DLGAP2: variants seen among roughly 807,000 people sequenced by gnomAD.
DLGAP2 encodes DLG associated protein 2.
DLGAP2 carries 26 observed loss-of-function variants against 100.3 expected under a neutral mutation model. The observed-to-expected ratio is 0.26, with a 90% CI of 0.19 to 0.36. DLGAP2 has a LOEUF of 0.36. Among genes scored for constraint, DLGAP2 ranks in the 10% least tolerant of loss-of-function variants. DLGAP2 has a pLI of 1.00. For synonymous variants in DLGAP2, 886 were observed against 630.1 expected (o/e 1.41, Z -6.08); for missense variants, 1,858 against 1,453.2 (o/e 1.28, Z -4.53).
intron 3 of DLGAP2, among the ~76,000 whole-genome samples, chr8:1,413,520 C>A (rs111481431): frequency 6.6e-6 from 1 of 152,074 alleles, no homozygotes; most frequent in African/African-American, 2.4e-5. Flanking sequence ...CTAAATCTGG[C>A]AAGTATAGAG....
At chr8:1,081,954 T>A (rs770668883) in intron 2 of DLGAP2, among the ~76,000 whole-genome samples, 5 of 152,034 alleles carry the variant, frequency 3.3e-5, no homozygotes, top group Non-Finnish European at 7.4e-5. Context: ...CCCCCTAAGT[T>A]CTAGATTAAA....
At chr8:1,031,740 A>G (rs1255567061) in intron 2 of DLGAP2, among the ~76,000 whole-genome samples, 1 of 152,394 alleles carries the variant, frequency 6.6e-6, no homozygotes, top group African/African-American at 2.4e-5. Flanking sequence ...CTGATGCCGA[A>G]GTATGGAAAT....
rs538415418 is a variant in DLGAP2, at chr8:829,826, A to G, written c.19-78086A>G. ...CCTATTATAATAACTGCAGTATATTATGGTGCTTTCCTTGTCAATCAAATA... is the reference window on the plus strand; with the variant it reads ...CCTATTATAATAACTGCAGTATATTGTGGTGCTTTCCTTGTCAATCAAATA... On this transcript the variant is annotated intron_variant, in intron 1 of 14. Coordinates refer to ENST00000637795, the MANE Select transcript of DLGAP2 (RefSeq NM_001346810.2). 5.3e-5 allele frequency among the ~76,000 whole-genome samples: 8 copies of G among 152,346 alleles called. No individual in the cohort carries two copies. In the South Asian group the frequency reaches 1.5e-3, roughly 28 times the overall value.
At chr8:1,165,192 AG>A (rs889630941) in intron 2 of DLGAP2, among the ~76,000 whole-genome samples, 1 of 93,906 alleles carries the variant, frequency 1.1e-5, no homozygotes, top group Non-Finnish European at 2.0e-5. Flanking sequence ...GTGGGAGGGA[AG>A]GAGGGAGGTA....
intron 2 of DLGAP2, among the ~76,000 whole-genome samples, chr8:1,193,549 G>A (rs1036731494): frequency 6.6e-6 from 1 of 152,142 alleles, no homozygotes; most frequent in African/African-American, 2.4e-5. Context: ...CAGATGGCAG[G>A]GTTTGCTTCT....
At chr8:918,731 CCTTTT>C (rs1798647188) in intron 2 of DLGAP2, among the ~76,000 whole-genome samples, 1 of 152,130 alleles carries the variant, frequency 6.6e-6, no homozygotes, top group African/African-American at 2.4e-5. Flanking sequence ...GTTGTTCCAT[CCTTTT>C]CTTTTATAGC....
chr8:1,162,040 G>T (rs1166594533), intron 2 of DLGAP2, among the ~76,000 whole-genome samples: 5 of 152,226 alleles, frequency 3.3e-5, no homozygotes, highest in African/African-American at 9.6e-5. Context: ...GGCCTGTGAG[G>T]GGAGCCCGGA....
rs1444880115 is a variant in DLGAP2, at chr8:1,369,795, G to C, written c.106+110912G>C. 3 of 152,282 alleles carry C rather than the reference G, an allele frequency of 2.0e-5. 1 individual carries two copies. The East Asian group carries it at 5.8e-4, about 29-fold the overall frequency. 9.4% of individuals were successfully genotyped at this position (152,282 alleles called of 1,614,324 possible). A position where few individuals can be genotyped will look rare whatever the true frequency, so the allele number is the denominator to read the frequency against. On this transcript the variant is annotated intron_variant, in intron 3 of 14. Coordinates refer to ENST00000637795, the MANE Select transcript of DLGAP2 (RefSeq NM_001346810.2). Reference sequence around the variant, plus strand: ...GTGCAAAGCACACAGCAGTGATGTAGGAAAATGCCGTGGTTCTCTGATGCT... The same window carrying C: ...GTGCAAAGCACACAGCAGTGATGTACGAAAATGCCGTGGTTCTCTGATGCT...
At chr8:847,626 C>G (rs1194856523) in intron 1 of DLGAP2, among the ~76,000 whole-genome samples, 1 of 152,104 alleles carries the variant, frequency 6.6e-6, no homozygotes, top group East Asian at 1.9e-4. Context: ...CCCACCTCAG[C>G]CTCCAGAGTA....
chr8:1,204,957 G>A (rs938634398), intron 2 of DLGAP2, among the ~76,000 whole-genome samples: 2 of 152,162 alleles, frequency 1.3e-5, no homozygotes, highest in Admixed American at 1.3e-4. Flanking sequence ...CCTCCAGCAG[G>A]ATTAATTCAG....
chr8:1,259,710 G>T (rs528943785), intron 3 of DLGAP2: 1 of 152,172 alleles, frequency 6.6e-6, no homozygotes, highest in Non-Finnish European at 1.5e-5. Flanking sequence ...GACTCTAAAA[G>T]CCGAATACTA....
At chr8:771,220 C>G (rs1017761317) in intron 1 of DLGAP2, among the ~76,000 whole-genome samples, 7 of 152,214 alleles carry the variant, frequency 4.6e-5, no homozygotes, top group African/African-American at 1.7e-4. Context: ...TCCACATCTA[C>G]TTGCAAATGT....
At chr8:844,854 GCCTGGCCACCACAA>G (rs1477317325) in intron 1 of DLGAP2, among the ~76,000 whole-genome samples, 1 of 151,976 alleles carries the variant, frequency 6.6e-6, no homozygotes, top group Non-Finnish European at 1.5e-5. Context: ...CCCAGGCCAG[GCCTGGCCACCACAA>G]ATCCACTTCT....
At chr8:1,614,316 G>A (rs759990002) in intron 6 of DLGAP2, among the ~76,000 whole-genome samples, 4 of 152,230 alleles carry the variant, frequency 2.6e-5, no homozygotes, top group Non-Finnish European at 5.9e-5. Flanking sequence ...GCCAGAGGGT[G>A]AATCTCACCT....
At chr8:1,621,702 G>A (rs1797342611) in intron 6 of DLGAP2, 1 of 152,466 alleles carries the variant, frequency 6.6e-6, no homozygotes, top group African/African-American at 2.4e-5. Context: ...AGCCAAGCAA[G>A]GGTATGGCAT....
intron 3 of DLGAP2, among the ~76,000 whole-genome samples, chr8:1,473,918 A>G (rs1309287133): frequency 6.6e-6 from 1 of 152,154 alleles, no homozygotes; most frequent in Non-Finnish European, 1.5e-5. Flanking sequence ...CTGTGAGTCC[A>G]TTAAACCTCT....
chr8:1,129,293 C>G (rs1424193384), intron 2 of DLGAP2, among the ~76,000 whole-genome samples: 1 of 151,626 alleles, frequency 6.6e-6, no homozygotes, highest in Non-Finnish European at 1.5e-5. Context: ...TTCCCAGCTG[C>G]TCGGGAGGCT....
chr8:1,067,233 C>A (rs1203781080), intron 2 of DLGAP2, among the ~76,000 whole-genome samples: 1 of 152,240 alleles, frequency 6.6e-6, no homozygotes, highest in East Asian at 1.9e-4. Context: ...CCCCCAGTTC[C>A]TGGGCTTCCT....
chr8:1,090,863 ACT>A (rs1412715087), intron 2 of DLGAP2, among the ~76,000 whole-genome samples: 2 of 152,148 alleles, frequency 1.3e-5, no homozygotes, highest in Non-Finnish European at 2.9e-5. Context: ...GTCTGTTTAG[ACT>A]CACATGAAAA....
Sources: allele counts gnomAD v4.1 joint callset (sites outside exome capture counted in the v4.1 genomes callset), GRCh38; gene constraint gnomAD v4.1.1; transcripts MANE v1.5; gene names NCBI Gene and HGNC (gene_info 2026-07-23, HGNC 2026-07-21).